The following RBFOX3 variants were observed in gnomAD, a reference collection of about 807,000 sequenced individuals.
RBFOX3 encodes the protein RNA binding protein fox-1 homolog 3.
In RBFOX3, 17 loss-of-function variants were observed where a neutral mutation model predicts 48.7. That is an observed-to-expected ratio of 0.35 (90% CI 0.24 to 0.52). The LOEUF is 0.52. Among genes scored for constraint, RBFOX3 ranks in the 20% least tolerant of loss-of-function variants. RBFOX3 has a pLI of 0.94. For synonymous variants in RBFOX3, 212 were observed against 209.5 expected (o/e 1.01, Z -0.10); for missense variants, 382 against 497.5 (o/e 0.77, Z 2.21).
intron 2 of RBFOX3, among the ~76,000 whole-genome samples, chr17:79,373,588 G>A (rs1366593845): frequency 2.0e-5 from 3 of 152,174 alleles, no homozygotes; most frequent in East Asian, 3.9e-4. Flanking sequence ...AGGACTTGAC[G>A]CCTGCTGGCC....
At chr17:79,501,329 G>A (rs2082354449) in intron 1 of RBFOX3, among the ~76,000 whole-genome samples, 1 of 152,184 alleles carries the variant, frequency 6.6e-6, no homozygotes, top group African/African-American at 2.4e-5. Context: ...TCCAGCGGAA[G>A]GTCCCAGACC....
rs12952733 is a variant in RBFOX3, at chr17:79,367,407, C to A, written c.-174-59583G>T. Among the ~76,000 whole-genome samples the A allele has an allele frequency of 2.7e-5, 4 of 149,972 alleles. No homozygotes were observed. The South Asian group carries it at 8.7e-4, about 33-fold the overall frequency. On this transcript the variant is annotated intron_variant, in intron 2 of 14. Transcript: ENST00000693108. ...CAGTCCTCCTCCACCTCAAGTCCCC[C>A]GACCTTCTCCCACTGCTTGATCCTT...
At chr17:79,312,150 G>T (rs1211033625) in intron 2 of RBFOX3, among the ~76,000 whole-genome samples, 1 of 152,168 alleles carries the variant, frequency 6.6e-6, no homozygotes, top group Non-Finnish European at 1.5e-5. Context: ...TGTGCACAAC[G>T]AGGTGGGGCT....
At chr17:79,208,738 C>A (rs1242569628) in intron 4 of RBFOX3, among the ~76,000 whole-genome samples, 1 of 152,170 alleles carries the variant, frequency 6.6e-6, no homozygotes, top group African/African-American at 2.4e-5. Flanking sequence ...CCCACGCTTG[C>A]TCCTAGGGCC....
At chr17:79,312,925 C>T (rs565897865) in intron 2 of RBFOX3, among the ~76,000 whole-genome samples, 2 of 152,176 alleles carry the variant, frequency 1.3e-5, no homozygotes, top group South Asian at 4.2e-4. Context: ...ACAGTGGGAC[C>T]GAGGGAAGCC....
chr17:79,203,765 C>G (rs1039068194), intron 4 of RBFOX3, among the ~76,000 whole-genome samples: 1 of 152,110 alleles, frequency 6.6e-6, no homozygotes. Context: ...TGTAACTAGA[C>G]CTTTGTCTCC....
At chr17:79,433,019 C>T (rs1444968778) in intron 2 of RBFOX3, among the ~76,000 whole-genome samples, 2 of 152,240 alleles carry the variant, frequency 1.3e-5, no homozygotes, top group African/African-American at 2.4e-5. Context: ...TTCTCTCCCT[C>T]TCCCAGCACA....
At chr17:79,596,303 C>T (rs1452058117) in intron 1 of RBFOX3, among the ~76,000 whole-genome samples, 2 of 152,254 alleles carry the variant, frequency 1.3e-5, no homozygotes, top group African/African-American at 4.8e-5. Flanking sequence ...CATTTCCTCT[C>T]TGGGCCAGAA....
At position 79,198,094 on chromosome 17, in the gene RBFOX3, G is replaced by A. The variant is rs1357146751; in HGVS notation, c.-34+37672C>T. On this transcript the variant is annotated intron_variant, in intron 4 of 14. Coordinates refer to ENST00000693108, the MANE Select transcript of RBFOX3 (RefSeq NM_001350451.2). The surrounding 1 kb of genome is among the most constrained non-coding windows in gnomAD (Gnocchi z 8.2). ...GGGCTTGTCATCCCGGAAGTGCTAC[G>A]GTTGCATCGTGTGGGGTGGGCTGTC... Among the ~76,000 whole-genome samples, 8 of 147,654 alleles carry A rather than the reference G, an allele frequency of 5.4e-5. No homozygotes were observed. The South Asian group carries it at 6.6e-4, about 12-fold the overall frequency.
Position 79,311,158 on chromosome 17 carries a change from C to T in RBFOX3, c.-174-3334G>A, listed in dbSNP as rs866888030. Among the ~76,000 whole-genome samples the T allele has an allele frequency of 2.6e-5, 4 of 152,174 alleles. No homozygotes were observed. The highest frequency in any genetic ancestry group is 1.9e-4 in the East Asian group (1 of 5,190). ...CCTCAAGACCGCAGCACCAGCTGGG[C>T]GCAGTGGCTCACGCCTATAATCCCA... is the stretch of plus-strand genomic sequence containing the variant. On this transcript the variant is annotated intron_variant, in intron 2 of 14. Coordinates refer to ENST00000693108, the MANE Select transcript of RBFOX3 (RefSeq NM_001350451.2). The surrounding 1 kb of genome is among the most constrained non-coding windows in gnomAD (Gnocchi z 4.2).
chr17:79,267,942 C>G lies in RBFOX3; in HGVS notation c.-73-32137G>C, dbSNP rs549960581. ...AACTCTTGATGGCTCTGGGCTCTATCCACACGATTTCTAAAATGCCTTCCA... is the reference window on the plus strand; with the variant it reads ...AACTCTTGATGGCTCTGGGCTCTATGCACACGATTTCTAAAATGCCTTCCA... On this transcript the variant is annotated intron_variant, in intron 3 of 14. Transcript: ENST00000693108. Among the ~76,000 whole-genome samples the G allele has an allele frequency of 3.3e-5, 5 of 152,300 alleles. No homozygotes were observed. In the East Asian group the frequency reaches 7.7e-4, roughly 23 times the overall value.
intron 2 of RBFOX3, among the ~76,000 whole-genome samples, chr17:79,334,947 C>A (rs1220424754): frequency 1.3e-5 from 2 of 152,244 alleles, no homozygotes; most frequent in Non-Finnish European, 2.9e-5. Context: ...CCTTGACAAA[C>A]CTTGGACATT....
intron 2 of RBFOX3, among the ~76,000 whole-genome samples, chr17:79,328,373 G>C (rs2079663356): frequency 6.6e-6 from 1 of 152,194 alleles, no homozygotes; most frequent in African/African-American, 2.4e-5. Context: ...CTATCTGGTA[G>C]CTGGGGTGAC....
chr17:79,137,300 C>T (rs565839537), intron 4 of RBFOX3, among the ~76,000 whole-genome samples: 8 of 152,098 alleles, frequency 5.3e-5, no homozygotes, highest in African/African-American at 7.2e-5. Flanking sequence ...TCCCTGTACA[C>T]GTGTACACAC....
intron 2 of RBFOX3, among the ~76,000 whole-genome samples, chr17:79,316,644 T>TG (rs2077581129): frequency 6.6e-6 from 1 of 152,218 alleles, no homozygotes; most frequent in Non-Finnish European, 1.5e-5. Context: ...CCCAGACCCC[T>TG]GCACATCTGC....
intron 1 of RBFOX3, among the ~76,000 whole-genome samples, chr17:79,579,187 G>A (rs2092962601): frequency 6.6e-6 from 1 of 152,180 alleles, no homozygotes; most frequent in South Asian, 2.1e-4. Context: ...GTCCTGCCCT[G>A]TGGGGAGGCA....
At chr17:79,145,824 A>G (rs56166292) in intron 4 of RBFOX3, among the ~76,000 whole-genome samples, 37,066 of 152,048 alleles carry the variant, frequency 0.24, 4,726 homozygotes, top group Middle Eastern at 0.29. Context: ...GGGACATTTG[A>G]TGACTGCTGG....
intron 4 of RBFOX3, among the ~76,000 whole-genome samples, chr17:79,176,691 T>C (rs1424540472): frequency 6.6e-6 from 1 of 150,726 alleles, no homozygotes; most frequent in East Asian, 2.0e-4. Context: ...GCCTGGGGGA[T>C]GAGGAGGGGC....
the RBFOX3 span, among the ~76,000 whole-genome samples, chr17:79,629,839 G>A: frequency 3.5e-4 from 53 of 152,268 alleles, no homozygotes; most frequent in African/African-American, 1.3e-3. Flanking sequence ...CCATTGCAAA[G>A]TGTTTATAAA....
Sources: allele counts gnomAD v4.1 joint callset (sites outside exome capture counted in the v4.1 genomes callset), GRCh38; gene constraint gnomAD v4.1.1; non-coding constraint Gnocchi (gnomAD v3.1); transcripts MANE v1.5; gene names NCBI Gene and HGNC (gene_info 2026-07-23, HGNC 2026-07-21).